Variants in SNX13 observed in about 807,000 individuals in gnomAD.
SNX13 encodes the protein sorting nexin 13, also known as sorting nexin-13.
A neutral mutation model predicts 133.6 loss-of-function variants in SNX13; 45 were observed. That is an observed-to-expected ratio of 0.34 (90% CI 0.27 to 0.43). SNX13 has a LOEUF of 0.43. SNX13 is among the 20% of genes least tolerant of loss of function. SNX13 has a pLI of 1.00. For synonymous variants in SNX13, 414 were observed against 373.9 expected (o/e 1.11, Z -1.24); for missense variants, 1,032 against 1,145.1 (o/e 0.90, Z 1.43).
chr7:17,850,258 C>G lies in SNX13; in HGVS notation c.1065+89G>C, dbSNP rs1051614478. ...TCTTGTAAAGTGCTGCACTGGTAAA[C>G]GTCCTGCTTTTTGTCCTTTACTGTG... On this transcript the variant is annotated intron_variant, in intron 11 of 25. Coordinates refer to ENST00000428135, the MANE Select transcript of SNX13 (RefSeq NM_015132.5). 4.2e-6 allele frequency: 3 copies of G among 709,082 alleles called. No homozygotes were observed. In the South Asian group the frequency reaches 1.0e-4, roughly 25 times the overall value. 43.9% of individuals were successfully genotyped at this position (709,082 alleles called of 1,614,324 possible). A position where few individuals can be genotyped will look rare whatever the true frequency, so the allele number is the denominator to read the frequency against.
intron 13 of SNX13, among the ~76,000 whole-genome samples, chr7:17,839,116 T>C (rs1789541418): frequency 6.7e-6 from 1 of 149,658 alleles, no homozygotes; most frequent in African/African-American, 2.4e-5. Context: ...ATATGTATTC[T>C]ATACATTCTA....
intron 9 of SNX13, among the ~76,000 whole-genome samples, chr7:17,867,387 G>T (rs548706365): frequency 6.6e-6 from 1 of 152,070 alleles, no homozygotes; most frequent in African/African-American, 2.4e-5. Context: ...CAGGCAGATC[G>T]CTTGAGCTCA....
chr7:17,821,122 C>G (rs1787233928), intron 18 of SNX13, among the ~76,000 whole-genome samples: 1 of 152,056 alleles, frequency 6.6e-6, no homozygotes, highest in Non-Finnish European at 1.5e-5. Context: ...TTTAAAATAA[C>G]TTCTAGGTTT....
chr7:17,819,892 AACACACACAC>A lies in SNX13; in HGVS notation c.1845+1607_1845+1616del, dbSNP rs61318514. On this transcript the variant is annotated intron_variant, in intron 18 of 25. Transcript: ENST00000428135. ...TATAAAGTTTATAAACTTTATAAGA[AACACACACAC>A]ACACACACACACAAACACACAAAAG... is the stretch of plus-strand genomic sequence containing the variant. 2.0e-5 allele frequency among the ~76,000 whole-genome samples: 3 copies of A among 150,030 alleles called. No homozygotes were observed. The East Asian group carries it at 5.9e-4, about 29-fold the overall frequency.
intron 16 of SNX13, among the ~76,000 whole-genome samples, chr7:17,829,577 G>A (rs934548367): frequency 1.3e-5 from 2 of 151,002 alleles, no homozygotes; most frequent in Non-Finnish European, 3.0e-5. Context: ...ATATCTATTC[G>A]GTTTTGGTTA....
chr7:17,791,802 T>C lies in SNX13; in HGVS notation c.*2243A>G, dbSNP rs572260354. 1 of 152,086 alleles carries C rather than the reference T, an allele frequency of 6.6e-6. No individual in the cohort carries two copies. The highest frequency in any genetic ancestry group is 1.5e-5 in the Non-Finnish European group (1 of 67,962). 9.4% of individuals were successfully genotyped at this position (152,086 alleles called of 1,614,324 possible). A position where few individuals can be genotyped will look rare whatever the true frequency, so the allele number is the denominator to read the frequency against. On this transcript the variant is annotated 3_prime_UTR_variant, in exon 26 of 26. Transcript: ENST00000428135. ...TGACCAAGTCATTCAAAAAGTTATCTCTAATTTTAGCATGACCACAGCTCT... is the reference window on the plus strand; with the variant it reads ...TGACCAAGTCATTCAAAAAGTTATCCCTAATTTTAGCATGACCACAGCTCT...
At position 17,848,665 on chromosome 7, in the gene SNX13, G is replaced by A. The variant is rs528880797; in HGVS notation, c.1065+1682C>T. Reference sequence around the variant, plus strand: ...CACTCACCTGGGTGCTCCCTCTCGCGAGGGGTGGAATACAGTGGGTCCGAG... The same window carrying A: ...CACTCACCTGGGTGCTCCCTCTCGCAAGGGGTGGAATACAGTGGGTCCGAG... On this transcript the variant is annotated intron_variant, in intron 11 of 25. Transcript: ENST00000428135. Among the ~76,000 whole-genome samples, 61 of 152,288 alleles carry A rather than the reference G, an allele frequency of 4.0e-4. No individual in the cohort carries two copies. In the East Asian group the frequency reaches 9.3e-3, roughly 23 times the overall value.
chr7:17,868,606 AG>A, intron 8 of SNX13, 116 bp from the exon 9 acceptor site: 1 of 708,716 alleles, frequency 1.4e-6, no homozygotes, highest in East Asian at 2.8e-5. Context: ...ACATGTAACT[AG>A]GACTTGATAA....
chr7:17,887,735 T>C (rs1209122326), intron 5 of SNX13, among the ~76,000 whole-genome samples: 1 of 152,184 alleles, frequency 6.6e-6, no homozygotes, highest in East Asian at 1.9e-4. Flanking sequence ...TACAGTGACA[T>C]TCTCTAATTG....
chr7:17,861,469 T>C (rs537625499), intron 9 of SNX13, among the ~76,000 whole-genome samples: 2 of 152,072 alleles, frequency 1.3e-5, no homozygotes, highest in African/African-American at 2.4e-5. Flanking sequence ...AACGTAATCA[T>C]TGGTCACAGG....
At chr7:17,820,707 TACA>T (rs1215788349) in intron 18 of SNX13, among the ~76,000 whole-genome samples, 2 of 152,172 alleles carry the variant, frequency 1.3e-5, no homozygotes, top group South Asian at 2.1e-4. Context: ...TCTAAAGTAG[TACA>T]ACGTCATTTC....
chr7:17,851,272 G>A (rs1462723698), intron 9 of SNX13, among the ~76,000 whole-genome samples: 3 of 152,206 alleles, frequency 2.0e-5, no homozygotes, highest in Non-Finnish European at 2.9e-5. Flanking sequence ...ATGGTCAGCA[G>A]CAATGGAGGG....
intron 25 of SNX13, chr7:17,794,555 T>C (rs1783848921): frequency 2.9e-6 from 1 of 341,404 alleles, no homozygotes; most frequent in Non-Finnish European, 5.3e-6. Flanking sequence ...GTCTCAAAGA[T>C]CCCAAACTAT....
chr7:17,818,393 C>T (rs1302389426), intron 18 of SNX13, among the ~76,000 whole-genome samples: 1 of 152,010 alleles, frequency 6.6e-6, no homozygotes, highest in African/African-American at 2.4e-5. Flanking sequence ...TTTCTTAAAG[C>T]CTGAATTACC....
At chr7:17,814,711 G>T in intron 20 of SNX13, 123 bp downstream of exon 20, 1 of 744,232 alleles carries the variant, frequency 1.3e-6, no homozygotes, top group Non-Finnish European at 2.0e-6. Context: ...AACATGCCGA[G>T]AACTTAATAA....
At chr7:17,843,992 C>T (rs1261106306) in intron 12 of SNX13, among the ~76,000 whole-genome samples, 1 of 151,620 alleles carries the variant, frequency 6.6e-6, no homozygotes, top group Non-Finnish European at 1.5e-5. Flanking sequence ...TGTTGTAAAG[C>T]TTTTTAACTT....
At position 17,891,533 on chromosome 7, in the gene SNX13, C is replaced by G; in HGVS notation, c.318+13G>C. 1 of 1,594,272 alleles carries G rather than the reference C, an allele frequency of 6.3e-7. No homozygotes were observed. The highest frequency in any genetic ancestry group is 8.6e-7 in the Non-Finnish European group (1 of 1,163,174). On this transcript the variant is annotated intron_variant, in intron 4 of 25. Transcript: ENST00000428135. ...CAATATATAGAATTCAAATACCACA[C>G]GCTGAAACTCACTTGCTGGAGAGGT...
In SNX13 at chr7:17,875,670, T is replaced by A. The variant is rs753979871; in HGVS notation, c.561A>T (p.Lys187Asn). 8 of 1,608,742 alleles carry A rather than the reference T, an allele frequency of 5.0e-6. No individual in the cohort carries two copies. In the East Asian group the frequency reaches 1.6e-4, roughly 31 times the overall value. Residue 187 changes from lysine to asparagine, a missense_variant and splice_region_variant, in exon 6 of 26, where the codon AAA (lysine) becomes AAT (asparagine). Physicochemically the swap from Lys to Asn is moderately conservative, Grantham distance 94. Transcript: ENST00000428135. ...QKITEKDDQV[K>N]GTAEDLVDTF... The stretch of plus-strand genomic sequence containing the variant: ...TTTCAAATGGAATAAAGATATTACC[T>A]TTCACTTGATCATCTTTCTCTGTTA...
At chr7:17,850,657 C>T (rs2128326185) in intron 10 of SNX13, among the ~76,000 whole-genome samples, 169 bp downstream of exon 10, 1 of 152,232 alleles carries the variant, frequency 6.6e-6, no homozygotes. Context: ...TTCTCACATT[C>T]TGAAAATAAT....
Sources: gnomAD v4.1 joint callset for allele counts (sites outside exome capture counted in the v4.1 genomes callset) on GRCh38, gnomAD v4.1.1 for gene constraint, MANE v1.5 for transcripts, NCBI Gene and HGNC (gene_info 2026-07-23, HGNC 2026-07-21) for gene names.